UGT3A2: variants seen among roughly 807,000 people sequenced by gnomAD.
UGT3A2 encodes the protein UDP glycosyltransferase family 3 member A2.
In UGT3A2, 32 loss-of-function variants were observed where a neutral mutation model predicts 39.8. The ratio of observed to expected loss-of-function variants is 0.80; its 90% confidence interval spans 0.61 to 1.08. The LOEUF is 1.08. Among genes scored for constraint, UGT3A2 ranks in the 50% least tolerant of loss-of-function variants. The pLI, the probability that UGT3A2 is intolerant of heterozygous loss-of-function variation, is 0.00. For synonymous variants in UGT3A2, 241 were observed against 230.7 expected (o/e 1.04, Z -0.40); for missense variants, 611 against 637.1 (o/e 0.96, Z 0.44).
chr5:36,047,654 A>G (rs989761332), intron 4 of UGT3A2, among the ~76,000 whole-genome samples: 8 of 142,618 alleles, frequency 5.6e-5, no homozygotes, highest in African/African-American at 2.0e-4. Flanking sequence ...GAGAAGAAAC[A>G]TAATTTTTTT....
At chr5:36,036,960 C>T (rs1185064156) in intron 6 of UGT3A2, among the ~76,000 whole-genome samples, 1 of 152,248 alleles carries the variant, frequency 6.6e-6, no homozygotes, top group East Asian at 1.9e-4. Flanking sequence ...CCTTCTATTG[C>T]TTCACTTAAC....
intron 4 of UGT3A2, among the ~76,000 whole-genome samples, chr5:36,048,520 C>T (rs1742237549): frequency 6.6e-6 from 1 of 152,208 alleles, no homozygotes; most frequent in African/African-American, 2.4e-5. Context: ...AGCTTATCTC[C>T]TTAACAATTA....
At chr5:36,061,131 C>A (rs1742684709) in intron 2 of UGT3A2, among the ~76,000 whole-genome samples, 1 of 152,070 alleles carries the variant, frequency 6.6e-6, no homozygotes, top group Non-Finnish European at 1.5e-5. Flanking sequence ...AAGATCACAC[C>A]ACTGCACTCC....
At chr5:36,056,400 G>A (rs1225103718) in intron 2 of UGT3A2, among the ~76,000 whole-genome samples, 1 of 152,216 alleles carries the variant, frequency 6.6e-6, no homozygotes, top group Non-Finnish European at 1.5e-5. Context: ...ATGTACAGTT[G>A]AGACTCCATT....
At chr5:36,056,417 G>A (rs1311219289) in intron 2 of UGT3A2, among the ~76,000 whole-genome samples, 4 of 152,274 alleles carry the variant, frequency 2.6e-5, no homozygotes, top group Middle Eastern at 3.4e-3. Flanking sequence ...CATTCATCCC[G>A]GGCAGCTTTC....
chr5:36,040,961 G>A (rs1357251395), intron 4 of UGT3A2, among the ~76,000 whole-genome samples: 1 of 152,174 alleles, frequency 6.6e-6, no homozygotes, highest in Non-Finnish European at 1.5e-5. Flanking sequence ...TAGTTTAGCT[G>A]CAGTAAAATT....
intron 5 of UGT3A2, among the ~76,000 whole-genome samples, chr5:36,038,787 C>T (rs1356265505): frequency 6.6e-6 from 1 of 152,218 alleles, no homozygotes; most frequent in Non-Finnish European, 1.5e-5. Context: ...TGCCCAGATT[C>T]TTTTCAGCCA....
intron 5 of UGT3A2, among the ~76,000 whole-genome samples, chr5:36,039,177 A>G (rs1211764684): frequency 6.6e-6 from 1 of 152,210 alleles, no homozygotes; most frequent in Non-Finnish European, 1.5e-5. Flanking sequence ...TGTTTGGGTG[A>G]CCTTGTCCAA....
intron 2 of UGT3A2, among the ~76,000 whole-genome samples, chr5:36,053,220 G>A (rs1310240557): frequency 6.6e-6 from 1 of 152,150 alleles, no homozygotes; most frequent in African/African-American, 2.4e-5. Flanking sequence ...TCACAAAGGG[G>A]ATAAGCCATT....
chr5:36,042,183 G>A (rs963279675), intron 4 of UGT3A2, among the ~76,000 whole-genome samples: 4 of 151,868 alleles, frequency 2.6e-5, no homozygotes, highest in Admixed American at 2.0e-4. Flanking sequence ...AGTGAGCTTC[G>A]ACAATATAAT....
intron 4 of UGT3A2, among the ~76,000 whole-genome samples, chr5:36,042,895 T>G (rs773845444): frequency 3.0e-4 from 45 of 151,978 alleles, no homozygotes; most frequent in Non-Finnish European, 5.6e-4. Flanking sequence ...AAAGCAAACA[T>G]TATTAGAGGT....
Position 36,043,800 on chromosome 5 carries a change from A to G in UGT3A2, c.844-4092T>C, listed in dbSNP as rs1742084057. On this transcript the variant is annotated intron_variant, in intron 4 of 6. Transcript: ENST00000282507. ...AAACACATACAACTTGCCAAGATTA[A>G]TCCTTAAAGAAATCCTGAACCTGAA... is the stretch of plus-strand genomic sequence containing the variant. Among the ~76,000 whole-genome samples the G allele has an allele frequency of 2.0e-5, 3 of 152,242 alleles. No individual in the cohort carries two copies. In the South Asian group the frequency reaches 6.2e-4, roughly 32 times the overall value.
chr5:36,051,994 C>T lies in UGT3A2; in HGVS notation c.197-10G>A. ...TCTTCCTTTTTAAAATCTAAGAAAACAGCAACGGGTTAAAAAAAAAGTTAA... is the reference window on the plus strand; with the variant it reads ...TCTTCCTTTTTAAAATCTAAGAAAATAGCAACGGGTTAAAAAAAAAGTTAA... On this transcript the variant is annotated splice_polypyrimidine_tract_variant and intron_variant, in intron 2 of 6. Coordinates refer to ENST00000282507, the MANE Select transcript of UGT3A2 (RefSeq NM_174914.4). The T allele has an allele frequency of 6.5e-7, 1 of 1,533,496 alleles. No individual in the cohort carries two copies. The highest frequency in any genetic ancestry group is 8.8e-7 in the Non-Finnish European group (1 of 1,139,444). The allele number at this position is 1,533,496 out of a possible 1,614,324, so 95.0% of individuals were successfully genotyped here. A position where few individuals can be genotyped will look rare whatever the true frequency, so the allele number is the denominator to read the frequency against.
intron 5 of UGT3A2, among the ~76,000 whole-genome samples, chr5:36,038,591 T>C (rs1364644329): frequency 6.6e-6 from 1 of 152,246 alleles, no homozygotes; most frequent in Non-Finnish European, 1.5e-5. Flanking sequence ...TGTCTTTCCA[T>C]GCCAGCGTTA....
At chr5:36,039,788 A>T (rs968011067) in intron 4 of UGT3A2, 80 bp from the exon 5 acceptor site, 25 of 1,162,806 alleles carry the variant, frequency 2.1e-5, no homozygotes, top group Non-Finnish European at 3.1e-5. Context: ...AAGCCAGAGT[A>T]TTTACTAACA....
intron 4 of UGT3A2, among the ~76,000 whole-genome samples, chr5:36,047,142 T>C (rs1742192532): frequency 6.6e-6 from 1 of 152,240 alleles, no homozygotes. Flanking sequence ...TGTTTGTCTC[T>C]TGTCTACCTA....
chr5:36,058,724 TCCCCTGGCCCCC>T (rs1405330888), intron 2 of UGT3A2, among the ~76,000 whole-genome samples: 4 of 152,110 alleles, frequency 2.6e-5, no homozygotes, highest in African/African-American at 9.7e-5. Context: ...CTTTTCTTCT[TCCCCTGGCCCCC>T]TTCTTTATAA....
chr5:36,061,880 C>A (rs1350847632), intron 2 of UGT3A2, among the ~76,000 whole-genome samples: 1 of 151,376 alleles, frequency 6.6e-6, no homozygotes, highest in Non-Finnish European at 1.5e-5. Flanking sequence ...GTTCCTATTT[C>A]TCCACATCCT....
intron 2 of UGT3A2, among the ~76,000 whole-genome samples, chr5:36,054,259 T>G (rs1016983876): frequency 3.9e-5 from 6 of 152,140 alleles, no homozygotes; most frequent in African/African-American, 1.4e-4. Flanking sequence ...CAAAGATCCT[T>G]TTGCCTTTCG....
Sources: gnomAD v4.1 joint callset for allele counts (sites outside exome capture counted in the v4.1 genomes callset) on GRCh38, gnomAD v4.1.1 for gene constraint, MANE v1.5 for transcripts, NCBI Gene and HGNC (gene_info 2026-07-23, HGNC 2026-07-21) for gene names.